The following CSMD1 variants were observed in gnomAD, a reference collection of about 807,000 sequenced individuals.
CSMD1 encodes CUB and Sushi multiple domains 1, also known as CUB and sushi domain-containing protein 1.
Under a neutral mutation model 417.5 loss-of-function variants are expected in CSMD1, and 213 were observed. The ratio of observed to expected loss-of-function variants is 0.51; its 90% CI spans 0.46 to 0.57. The LOEUF is 0.57. Ranked by LOEUF, CSMD1 falls within the 20% of genes least tolerant of loss-of-function variation. CSMD1 has a pLI of 0.00. For synonymous variants in CSMD1, 2,862 were observed against 1,736.8 expected (o/e 1.65, Z -16.11); for missense variants, 6,923 against 4,529.7 (o/e 1.53, Z -15.17).
chr8:4,163,543 T>C (rs542879522), intron 3 of CSMD1, among the ~76,000 whole-genome samples: 2 of 152,342 alleles, frequency 1.3e-5, no homozygotes, highest in South Asian at 4.1e-4. Flanking sequence ...TAGGTAAAGC[T>C]ACAGCATCAT....
rs1001101661 is a variant in CSMD1 at position 4,235,109 on chromosome 8, T to C, written c.415+184844A>G. 1.3e-5 allele frequency among the ~76,000 whole-genome samples: 2 copies of C among 152,288 alleles called. 1 individual carries two copies. The highest frequency in any genetic ancestry group is 4.1e-4 in the South Asian group (2 of 4,828). On this transcript the variant is annotated intron_variant, in intron 3 of 69. Transcript: ENST00000635120. ...GGGGACTTCAAGAATAGAAAAATTA[T>C]GTTGCTTTAATCCTAGAAAAAAGAC...
At chr8:3,984,107 A>ATTGCCG (rs1563283937) in intron 5 of CSMD1, among the ~76,000 whole-genome samples, 1 of 123,918 alleles carries the variant, frequency 8.1e-6, no homozygotes, top group South Asian at 2.8e-4. Flanking sequence ...GTCAATAGCA[A>ATTGCCG]CTCTAGAGCA....
chr8:3,807,702 G>C (rs1800826049), intron 5 of CSMD1, among the ~76,000 whole-genome samples: 1 of 151,968 alleles, frequency 6.6e-6, no homozygotes. Flanking sequence ...TTTCTTCCTT[G>C]AGCTATAAGG....
chr8:3,510,581 C>A (rs1342010668), intron 10 of CSMD1, among the ~76,000 whole-genome samples: 1 of 151,734 alleles, frequency 6.6e-6, no homozygotes, highest in Non-Finnish European at 1.5e-5. Context: ...TTACGTGGCA[C>A]AAAATAATGC....
intron 3 of CSMD1, among the ~76,000 whole-genome samples, chr8:4,226,700 T>G (rs1483993602): frequency 6.6e-6 from 1 of 152,064 alleles, no homozygotes; most frequent in Non-Finnish European, 1.5e-5. Flanking sequence ...TTTTACGTCC[T>G]CTTTAAAAAA....
intron 1 of CSMD1, among the ~76,000 whole-genome samples, chr8:4,928,218 G>A (rs1458220667): frequency 3.9e-5 from 6 of 152,140 alleles, no homozygotes; most frequent in East Asian, 1.9e-4. Context: ...TGACCAGCAT[G>A]TCTTGCTCTC....
At chr8:4,376,220 G>A (rs149585913) in intron 3 of CSMD1, among the ~76,000 whole-genome samples, 8 of 152,170 alleles carry the variant, frequency 5.3e-5, no homozygotes, top group African/African-American at 7.2e-5. Context: ...GTCAATAATC[G>A]TTTTTGACGT....
At chr8:4,826,418 T>A (rs142664937) in intron 1 of CSMD1, among the ~76,000 whole-genome samples, 1 of 152,308 alleles carries the variant, frequency 6.6e-6, no homozygotes, top group East Asian at 1.9e-4. Context: ...CTGGAGGGCA[T>A]TGCGCTAACT....
chr8:4,148,669 G>C (rs1331607866), intron 3 of CSMD1, among the ~76,000 whole-genome samples: 1 of 152,252 alleles, frequency 6.6e-6, no homozygotes, highest in African/African-American at 2.4e-5. Flanking sequence ...AGAGGAGCGT[G>C]CCCTCGTGTC....
At chr8:4,106,374 A>G (rs1011511541) in intron 3 of CSMD1, among the ~76,000 whole-genome samples, 4 of 152,218 alleles carry the variant, frequency 2.6e-5, no homozygotes, top group Non-Finnish European at 4.4e-5. Context: ...GCATTCAATT[A>G]CAATGCTGCA....
chr8:4,385,529 A>G (rs903392555), intron 3 of CSMD1, among the ~76,000 whole-genome samples: 2 of 152,148 alleles, frequency 1.3e-5, no homozygotes, highest in Non-Finnish European at 2.9e-5. Context: ...AAGAATATTA[A>G]TCTCCTTTCA....
chr8:3,457,462 T>A (rs1482770475), intron 12 of CSMD1, among the ~76,000 whole-genome samples: 1 of 152,200 alleles, frequency 6.6e-6, no homozygotes, highest in Admixed American at 6.5e-5. Flanking sequence ...CATGCTCACA[T>A]GTTAAAGCAA....
intron 21 of CSMD1, among the ~76,000 whole-genome samples, chr8:3,355,207 T>G (rs1012666929): frequency 9.9e-5 from 15 of 151,934 alleles, no homozygotes; most frequent in African/African-American, 3.4e-4. Flanking sequence ...TTTAAAAAAA[T>G]CTCTTACTAG....
At chr8:3,286,644 C>A (rs950043703) in intron 25 of CSMD1, among the ~76,000 whole-genome samples, 1 of 145,390 alleles carries the variant, frequency 6.9e-6, no homozygotes, top group Admixed American at 6.9e-5. Flanking sequence ...AGTGTCTGTT[C>A]ATATCCTTCA....
At chr8:4,577,375 T>C (rs1799187471) in intron 2 of CSMD1, among the ~76,000 whole-genome samples, 1 of 152,210 alleles carries the variant, frequency 6.6e-6, no homozygotes. Flanking sequence ...TCTAAACCTG[T>C]GGCACATTTC....
chr8:3,146,777 G>A (rs915673156), intron 40 of CSMD1, among the ~76,000 whole-genome samples: 2 of 152,184 alleles, frequency 1.3e-5, no homozygotes, highest in African/African-American at 4.8e-5. Context: ...ATTTCCACAT[G>A]ATGCCAAACC....
chr8:4,145,269 G>C (rs1804040977), intron 3 of CSMD1, among the ~76,000 whole-genome samples: 1 of 151,100 alleles, frequency 6.6e-6, no homozygotes, highest in South Asian at 2.1e-4. Flanking sequence ...GGAACTTGTA[G>C]AGTTAGACTT....
intron 8 of CSMD1, among the ~76,000 whole-genome samples, chr8:3,591,279 C>T (rs1465321710): frequency 5.9e-5 from 9 of 152,184 alleles, no homozygotes; most frequent in Non-Finnish European, 8.8e-5. Flanking sequence ...TTTTCTGCTT[C>T]TTCAATGCTT....
At chr8:3,472,787 T>G (rs1163828976) in intron 11 of CSMD1, among the ~76,000 whole-genome samples, 1 of 152,150 alleles carries the variant, frequency 6.6e-6, no homozygotes, top group Non-Finnish European at 1.5e-5. Flanking sequence ...GGAAAACATT[T>G]AGGGCAGTCA....
Sources: allele counts gnomAD v4.1 joint callset (sites outside exome capture counted in the v4.1 genomes callset), GRCh38; gene constraint gnomAD v4.1.1; transcripts MANE v1.5; gene names NCBI Gene and HGNC (gene_info 2026-07-23, HGNC 2026-07-21).